RBFOX2: variants seen among roughly 807,000 people sequenced by gnomAD.
RBFOX2 encodes RNA binding fox-1 homolog 2, also known as RNA binding protein fox-1 homolog 2.
A neutral mutation model predicts 49.1 loss-of-function variants in RBFOX2; 10 were observed. That is an observed-to-expected ratio of 0.20 (90% CI 0.13 to 0.35). The LOEUF is 0.35. Among genes scored for constraint, RBFOX2 ranks in the 10% least tolerant of loss-of-function variants. The probability of loss-of-function intolerance (pLI) is 1.00; values close to 1 mark genes in which losing one functional copy is unlikely to be tolerated. For synonymous variants in RBFOX2, 183 were observed against 187.4 expected, an observed-to-expected ratio of 0.98 and a Z score of 0.19; for missense variants, 323 against 486.9, an observed-to-expected ratio of 0.66 and a Z score of 3.17.
intron 3 of RBFOX2, among the ~76,000 whole-genome samples, chr22:35,780,095 T>C (rs1944803346): frequency 6.6e-6 from 1 of 152,198 alleles, no homozygotes; most frequent in African/African-American, 2.4e-5. Flanking sequence ...TTATTTTCTG[T>C]TGCTCTCTTC....
At chr22:35,952,227 T>C (rs2055024404) in intron 1 of RBFOX2, among the ~76,000 whole-genome samples, 1 of 152,232 alleles carries the variant, frequency 6.6e-6, no homozygotes, top group South Asian at 2.1e-4. Context: ...TTTTGGAAGC[T>C]TGAGTCAGGT....
At chr22:35,934,545 T>A (rs1742854481) in intron 1 of RBFOX2, among the ~76,000 whole-genome samples, 2 of 152,306 alleles carry the variant, frequency 1.3e-5, no homozygotes, top group South Asian at 2.1e-4. Flanking sequence ...TGCTAAAGTT[T>A]ATATGGTCAC....
chr22:36,011,222 T>A (rs1045866276), intron 1 of RBFOX2, among the ~76,000 whole-genome samples: 1 of 152,196 alleles, frequency 6.6e-6, no homozygotes. Context: ...CAGGGGCAGC[T>A]GACTGGGGCA....
chr22:35,740,457 T>TA (rs2145621288), exon 12 of RBFOX2: 1 of 152,726 alleles, frequency 6.5e-6, no homozygotes, highest in South Asian at 2.1e-4. Context: ...CCTTGCCCAC[T>TA]ATTTTTTTTT....
rs184555580 is a variant in RBFOX2, at chr22:35,873,140, T to C, written c.-33-63136A>G. On this transcript the variant is annotated intron_variant, in intron 1 of 13. Coordinates refer to the RBFOX2 transcript ENST00000359369. Reference sequence around the variant, plus strand: ...GCAAAATTTGTTACTGAATTGGTTGTTTCTTTTTTCTTTTTTTTGAGACAC... The same window carrying C: ...GCAAAATTTGTTACTGAATTGGTTGCTTCTTTTTTCTTTTTTTTGAGACAC... Among the ~76,000 whole-genome samples, 538 of 152,270 alleles carry C rather than the reference T, an allele frequency of 3.5e-3. 4 individuals are homozygous for C. Among genetic ancestry groups the C allele is most frequent in the Non-Finnish European group, 3.0e-3 (206 of 68,034 alleles).
chr22:35,848,790 T>C (rs2041531367), intron 1 of RBFOX2, among the ~76,000 whole-genome samples: 2 of 152,226 alleles, frequency 1.3e-5, no homozygotes, highest in South Asian at 2.1e-4. Flanking sequence ...TATTTTCTTA[T>C]TCTAGGTTTC....
chr22:35,900,377 G>C (rs567021507), intron 1 of RBFOX2, among the ~76,000 whole-genome samples: 1 of 151,876 alleles, frequency 6.6e-6, no homozygotes, highest in African/African-American at 2.4e-5. Flanking sequence ...AGAGGATAGC[G>C]GGGGGAAGTA....
chr22:35,758,248 CTT>C (rs1324985191), intron 9 of RBFOX2, among the ~76,000 whole-genome samples: 5 of 152,126 alleles, frequency 3.3e-5, no homozygotes, highest in Non-Finnish European at 7.4e-5. Context: ...GATAAAATAT[CTT>C]TGAGCAAATA....
intron 2 of RBFOX2, among the ~76,000 whole-genome samples, chr22:35,794,770 T>C (rs1948450017): frequency 1.3e-5 from 2 of 152,270 alleles, no homozygotes; most frequent in South Asian, 2.1e-4. Context: ...GTTAAAAAAA[T>C]TGCCCCTAAA....
chr22:35,750,334 T>A (rs1001204702), intron 9 of RBFOX2: 48 of 781,650 alleles, frequency 6.1e-5, no homozygotes, highest in Non-Finnish European at 9.4e-5. Context: ...ATAGCTGATG[T>A]GTATTGCTTT....
intron 1 of RBFOX2, among the ~76,000 whole-genome samples, chr22:35,933,926 T>TTATATATATATATATATATA (rs3075245): frequency 1.7e-5 from 2 of 118,018 alleles, no homozygotes; most frequent in African/African-American, 7.9e-5. Flanking sequence ...TAATTAAATG[T>TTATATATATATATATATATA]TATATATATA....
intron 1 of RBFOX2, among the ~76,000 whole-genome samples, chr22:35,884,862 G>A (rs566801840): frequency 2.0e-5 from 3 of 152,224 alleles, no homozygotes; most frequent in East Asian, 3.9e-4. Flanking sequence ...GCAAGACTGC[G>A]CATTTGAATC....
chr22:35,924,285 T>C (rs983249715), intron 1 of RBFOX2, among the ~76,000 whole-genome samples: 1 of 152,196 alleles, frequency 6.6e-6, no homozygotes, highest in African/African-American at 2.4e-5. Flanking sequence ...GAGCTAAAAG[T>C]ATCTTTATCT....
chr22:35,774,597 T>C (rs1405850550), intron 4 of RBFOX2, among the ~76,000 whole-genome samples: 3 of 152,156 alleles, frequency 2.0e-5, no homozygotes, highest in African/African-American at 7.2e-5. Flanking sequence ...ATGATATATA[T>C]TCATTCTATA....
intron 1 of RBFOX2, among the ~76,000 whole-genome samples, chr22:35,916,379 T>G (rs1410190298): frequency 2.6e-5 from 4 of 152,198 alleles, no homozygotes; most frequent in Non-Finnish European, 4.4e-5. Context: ...CCTCCCGGAT[T>G]CAAGCAATCC....
At chr22:35,750,602 A>C (rs1934534485) in intron 9 of RBFOX2, 1 of 587,252 alleles carries the variant, frequency 1.7e-6, no homozygotes, top group African/African-American at 1.9e-5. Flanking sequence ...AGATACACAC[A>C]TGCCCCTTTA....
chr22:35,975,289 TA>T (rs776311234), intron 1 of RBFOX2, among the ~76,000 whole-genome samples: 3 of 152,122 alleles, frequency 2.0e-5, no homozygotes, highest in Non-Finnish European at 4.4e-5. Flanking sequence ...TTAGCACTGG[TA>T]AAAGGAAAGG....
intron 2 of RBFOX2, among the ~76,000 whole-genome samples, chr22:35,796,356 A>C (rs770940359): frequency 1.1e-4 from 17 of 152,216 alleles, no homozygotes; most frequent in Non-Finnish European, 2.1e-4. Flanking sequence ...AACATATTTT[A>C]AAGAAAATTA....
intron 1 of RBFOX2, among the ~76,000 whole-genome samples, chr22:35,954,902 G>A (rs2055373971): frequency 6.6e-6 from 1 of 152,212 alleles, no homozygotes. Context: ...AAGGCATAAA[G>A]AAATTACAAA....
Sources: allele counts gnomAD v4.1 joint callset (sites outside exome capture counted in the v4.1 genomes callset), GRCh38; gene constraint gnomAD v4.1.1; transcripts MANE v1.5; gene names NCBI Gene and HGNC (gene_info 2026-07-23, HGNC 2026-07-21).